Variants in COG5 observed in about 807,000 individuals in gnomAD.
The protein encoded by COG5 is component of oligomeric golgi complex 5, also known as conserved oligomeric Golgi complex subunit 5.
A neutral mutation model predicts 110.4 loss-of-function variants in COG5; 86 were observed. The observed-to-expected ratio is 0.78, with a 90% CI of 0.65 to 0.93. The LOEUF is 0.93. Ranked by LOEUF, COG5 falls within the 40% of genes least tolerant of loss-of-function variation. The pLI, the probability that COG5 is intolerant of heterozygous loss-of-function variation, is 0.00. For missense variants in COG5, 1,077 were observed against 987.0 expected (o/e 1.09, Z -1.22); for synonymous variants, 360 against 334.6 (o/e 1.08, Z -0.83).
At chr7:107,455,302 C>A (rs1795592448) in intron 6 of COG5, among the ~76,000 whole-genome samples, 1 of 152,132 alleles carries the variant, frequency 6.6e-6, no homozygotes, top group South Asian at 2.1e-4. Context: ...AAAGGACATG[C>A]ATCTATCTTC....
At chr7:107,467,826 G>A (rs969204220) in intron 6 of COG5, among the ~76,000 whole-genome samples, 2 of 152,120 alleles carry the variant, frequency 1.3e-5, no homozygotes, top group African/African-American at 4.8e-5. Context: ...ACTAAGCACT[G>A]TACACAATAA....
intron 6 of COG5, among the ~76,000 whole-genome samples, chr7:107,473,714 G>A (rs1189574489): frequency 6.6e-6 from 1 of 151,878 alleles, no homozygotes; most frequent in Non-Finnish European, 1.5e-5. Context: ...TGTATGCTAG[G>A]AAGTTTTATC....
chr7:107,562,283 G>C (rs1013417471), intron 1 of COG5, among the ~76,000 whole-genome samples: 2 of 152,160 alleles, frequency 1.3e-5, no homozygotes, highest in African/African-American at 2.4e-5. Flanking sequence ...AGTATTTACC[G>C]TCCAAGAACT....
At chr7:107,399,485 C>A (rs189266443) in intron 7 of COG5, among the ~76,000 whole-genome samples, 64 of 152,136 alleles carry the variant, frequency 4.2e-4, no homozygotes, top group African/African-American at 1.3e-3. Context: ...TTATAATGGG[C>A]TCTTTCCCCT....
At chr7:107,328,003 T>C (rs1378620677) in intron 10 of COG5, among the ~76,000 whole-genome samples, 1 of 152,176 alleles carries the variant, frequency 6.6e-6, no homozygotes, top group East Asian at 1.9e-4. Context: ...ACTGCAGCAT[T>C]ATTCATAAAA....
At chr7:107,455,039 C>T (rs1023719564) in intron 6 of COG5, among the ~76,000 whole-genome samples, 5 of 152,138 alleles carry the variant, frequency 3.3e-5, no homozygotes, top group Admixed American at 3.3e-4. Flanking sequence ...TACCTAAGTA[C>T]TTTATTACAG....
chr7:107,523,676 A>G (rs549357564), intron 6 of COG5, among the ~76,000 whole-genome samples: 1 of 152,146 alleles, frequency 6.6e-6, no homozygotes, highest in South Asian at 2.1e-4. Flanking sequence ...TTAGCCGGGC[A>G]TGGTGGTGGG....
intron 6 of COG5, among the ~76,000 whole-genome samples, chr7:107,432,023 T>A (rs1180400441): frequency 6.6e-6 from 1 of 151,850 alleles, no homozygotes; most frequent in African/African-American, 2.4e-5. Flanking sequence ...AAACAGGAAG[T>A]GTGTGTGTGT....
Position 107,416,686 on chromosome 7 carries a change from T to C in COG5, c.539-4054A>G, listed in dbSNP as rs139596875. ...CAACAGTTACTATAACTGTATTTCA[T>C]ATGTTCCCCCATCAAAAAAGACGGA... On this transcript the variant is annotated intron_variant, in intron 6 of 21. Coordinates refer to ENST00000297135, the MANE Select transcript of COG5 (RefSeq NM_006348.5). Among the ~76,000 whole-genome samples, 36 of 152,306 alleles carry C rather than the reference T, an allele frequency of 2.4e-4. No individual in the cohort carries two copies. The East Asian group carries it at 6.7e-3, about 29-fold the overall frequency.
chr7:107,468,938 G>T (rs149146925), intron 6 of COG5, among the ~76,000 whole-genome samples: 25 of 150,698 alleles, frequency 1.7e-4, no homozygotes, highest in Non-Finnish European at 3.0e-4. Flanking sequence ...TTAAAAACAG[G>T]AACTTATTTA....
At position 107,363,644 on chromosome 7, in the gene COG5, T is replaced by A. The variant is rs533494024; in HGVS notation, c.836-1224A>T. 9.2e-5 allele frequency among the ~76,000 whole-genome samples: 14 copies of A among 152,224 alleles called. 1 individual carries two copies. In the Middle Eastern group the frequency reaches 0.02, roughly 222 times the overall value. On this transcript the variant is annotated intron_variant, in intron 8 of 21. Transcript: ENST00000297135. ...AGTTAATTAAGACAAAGAGTATCGA[T>A]GGATACCAAAACACTAAGTGAAATG...
chr7:107,527,109 A>C, intron 6 of COG5, 128 bp downstream of exon 6: 1 of 732,816 alleles, frequency 1.4e-6, no homozygotes, highest in Non-Finnish European at 2.2e-6. Flanking sequence ...AATATTGTAT[A>C]CAGCCAATTA....
chr7:107,512,151 T>C (rs1348616586), intron 6 of COG5, among the ~76,000 whole-genome samples: 9 of 151,934 alleles, frequency 5.9e-5, no homozygotes, highest in East Asian at 1.9e-4. Context: ...AAAACCCCAC[T>C]GTCTCAGCCC....
chr7:107,254,520 T>A (rs1368954326), intron 16 of COG5, among the ~76,000 whole-genome samples: 2 of 152,170 alleles, frequency 1.3e-5, no homozygotes, highest in Non-Finnish European at 2.9e-5. Flanking sequence ...AGGAGGGCCT[T>A]GTACTTACTG....
chr7:107,554,643 C>T (rs1274027821), intron 2 of COG5, among the ~76,000 whole-genome samples: 2 of 152,072 alleles, frequency 1.3e-5, no homozygotes, highest in Non-Finnish European at 2.9e-5. Context: ...ATTTATTGCT[C>T]ACAGTTCTGG....
intron 6 of COG5, among the ~76,000 whole-genome samples, chr7:107,451,024 G>C (rs1166697578): frequency 2.0e-5 from 3 of 152,142 alleles, no homozygotes; most frequent in Non-Finnish European, 2.9e-5. Flanking sequence ...CTATGGAAAG[G>C]GCTGTCAATG....
At chr7:107,475,020 T>C in intron 6 of COG5, 2 of 1,613,070 alleles carry the variant, frequency 1.2e-6, no homozygotes, top group Non-Finnish European at 1.7e-6. Flanking sequence ...TGATTATTTC[T>C]ACATTTCTTC....
chr7:107,252,952 A>G (rs890315060), intron 16 of COG5: 3 of 152,194 alleles, frequency 2.0e-5, no homozygotes, highest in Non-Finnish European at 2.9e-5. Context: ...TAACATTATT[A>G]TATCATTAAC....
At chr7:107,563,552 G>T (rs1323357984) in intron 1 of COG5, 35 of 500,768 alleles carry the variant, frequency 7.0e-5, no homozygotes, top group South Asian at 1.7e-4. Flanking sequence ...CATGGGGGGG[G>T]GGGGGGTCGA....
Sources: allele counts gnomAD v4.1 joint callset (sites outside exome capture counted in the v4.1 genomes callset), GRCh38; gene constraint gnomAD v4.1.1; transcripts MANE v1.5; gene names NCBI Gene and HGNC (gene_info 2026-07-23, HGNC 2026-07-21).